CTPS1: variants seen among roughly 807,000 people sequenced by gnomAD.
The protein encoded by CTPS1 is CTP synthetase 1.
A neutral mutation model predicts 80.5 loss-of-function variants in CTPS1; 25 were observed. The ratio of observed to expected loss-of-function variants is 0.31; its 90% CI spans 0.23 to 0.43. CTPS1 has a LOEUF of 0.43. Among genes scored for constraint, CTPS1 ranks in the 20% least tolerant of loss-of-function variants. The pLI, the probability that CTPS1 is intolerant of heterozygous loss-of-function variation, is 1.00. For synonymous variants in CTPS1, 267 were observed against 252.5 expected, an observed-to-expected ratio of 1.06 and a Z score of -0.54; for missense variants, 442 against 725.7, an observed-to-expected ratio of 0.61 and a Z score of 4.49.
At chr1:40,991,946 T>A in intron 7 of CTPS1, 101 bp downstream of exon 7, 1 of 884,104 alleles carries the variant, frequency 1.1e-6, no homozygotes, top group Non-Finnish European at 1.8e-6. Flanking sequence ...TAATTAGAGA[T>A]AGTGGGCTGT....
chr1:40,991,284 TTTATG>T (rs568218457), intron 6 of CTPS1, 36 bp downstream of exon 6: 25 of 1,478,134 alleles, frequency 1.7e-5, no homozygotes, highest in Non-Finnish European at 2.3e-5. Flanking sequence ...AGTGTAATCT[TTTATG>T]TCTAGTTAAG....
At chr1:40,999,213 C>T (rs758656890) in intron 9 of CTPS1, among the ~76,000 whole-genome samples, 4 of 152,176 alleles carry the variant, frequency 2.6e-5, no homozygotes, top group East Asian at 1.9e-4. Context: ...AGATAGAGCA[C>T]GTCCAAGGGC....
At chr1:41,000,212 C>G (rs1255713608) in intron 9 of CTPS1, among the ~76,000 whole-genome samples, 2 of 135,860 alleles carry the variant, frequency 1.5e-5, no homozygotes, top group Non-Finnish European at 3.1e-5. Context: ...AAGATGGTAA[C>G]TTATGTTTTG....
In CTPS1 at chr1:41,007,138, G is replaced by T. The variant is rs543023832; in HGVS notation, c.1297-311G>T. Among the ~76,000 whole-genome samples the T allele has an allele frequency of 9.2e-5, 14 of 152,316 alleles. No individual in the cohort carries two copies. Among genetic ancestry groups the T allele is most frequent in the African/African-American group, 3.1e-4 (13 of 41,566 alleles). ...GTTATGACACATCCAGTCCGTGTCT[G>T]TGCTACTGTATCAGTCTTTCTAAGG... On this transcript the variant is annotated intron_variant, in intron 13 of 18. Coordinates refer to ENST00000650070, the MANE Select transcript of CTPS1 (RefSeq NM_001905.4). The surrounding 1 kb of genome is among the most constrained non-coding windows in gnomAD (Gnocchi z 4.4).
Position 40,983,416 on chromosome 1 carries a change from C to T in CTPS1, c.126C>T (p.Tyr42=). 1 of 1,613,816 alleles carries T rather than the reference C, an allele frequency of 6.2e-7. No individual in the cohort carries two copies. Among genetic ancestry groups the T allele is most frequent in the African/African-American group, 1.3e-5 (1 of 75,052 alleles). The change falls in exon 2 of 19, where the codon TAC becomes TAT. Residue 42 remains tyrosine (Y), a synonymous_variant. Transcript: ENST00000650070. ...TAACTTCAATCAAAATTGACCCCTA[C>T]ATTAACATTGATGCAGGAACATTCT... is the stretch of plus-strand genomic sequence containing the variant. ...LHVTSIKIDP[Y]INIDAGTFSP...
rs752213796 is a variant in CTPS1 at position 41,010,200 on chromosome 1, C to T, written c.1731C>T (p.Asp577=). The T allele has an allele frequency of 1.4e-5, 22 of 1,614,074 alleles. No individual in the cohort carries two copies. The highest frequency in any genetic ancestry group is 1.1e-4 in the South Asian group (10 of 91,080). ...ACAGGAGTGGAAGCAGCTCCCCTGA[C>T]TCTGAAATCACCGAACTGAAGTTTC... ...YSDRSGSSSP[D]SEITELKFPS... Residue 577 remains aspartate, a synonymous_variant, in exon 18 of 19, where the codon GAC becomes GAT. Coordinates refer to ENST00000650070, the MANE Select transcript of CTPS1 (RefSeq NM_001905.4).
In CTPS1 at chr1:40,997,538, G is replaced by T. The variant is rs1344933911; in HGVS notation, c.1005+12G>T. On this transcript the variant is annotated intron_variant, in intron 9 of 18. Transcript: ENST00000650070. The stretch of plus-strand genomic sequence containing the variant: ...AATTGGAAATCAAGGTAAGGAGGGT[G>T]GCACAGGTACAGCCAAAGGATGAGC... 6.2e-7 allele frequency: 1 copy of T among 1,613,320 alleles called. No individual in the cohort carries two copies. The highest frequency in any genetic ancestry group is 1.7e-5 in the Admixed American group (1 of 59,886).
intron 1 of CTPS1, 89 bp from the exon 2 acceptor site, chr1:40,983,189 C>A: frequency 9.1e-7 from 1 of 1,094,146 alleles, no homozygotes; most frequent in Non-Finnish European, 1.3e-6. Context: ...GGGTTCATAG[C>A]TAATAATTGG....
At chr1:41,005,294 G>A (rs1241413214) in intron 12 of CTPS1, among the ~76,000 whole-genome samples, 6 of 151,334 alleles carry the variant, frequency 4.0e-5, no homozygotes, top group Non-Finnish European at 5.9e-5. Context: ...AAAATACAAA[G>A]TTAGCTGGGC....
intron 3 of CTPS1, among the ~76,000 whole-genome samples, chr1:40,985,617 A>G (rs1202238267): frequency 6.6e-6 from 1 of 152,088 alleles, no homozygotes; most frequent in Non-Finnish European, 1.5e-5. Flanking sequence ...CAGTGGCCCA[A>G]ATTTGGAGAG....
At chr1:40,984,133 A>G (rs2148386818) in intron 2 of CTPS1, among the ~76,000 whole-genome samples, 1 of 152,350 alleles carries the variant, frequency 6.6e-6, no homozygotes, top group African/African-American at 2.4e-5. Context: ...TCAGGAAAAG[A>G]TCCATATACC....
At chr1:40,994,632 A>G (rs745342270) in intron 7 of CTPS1, among the ~76,000 whole-genome samples, 12 of 152,122 alleles carry the variant, frequency 7.9e-5, no homozygotes, top group Non-Finnish European at 1.5e-4. Context: ...TATTGTATGC[A>G]TTATTCAGTG....
chr1:41,001,391 G>A (rs1356657455), intron 10 of CTPS1: 7 of 323,674 alleles, frequency 2.2e-5, no homozygotes. Flanking sequence ...CATTTGATGA[G>A]TACCCATCAG....
intron 16 of CTPS1, 98 bp from the exon 17 acceptor site, chr1:41,009,347 T>C (rs931621076): frequency 5.1e-5 from 62 of 1,223,744 alleles, no homozygotes; most frequent in Non-Finnish European, 6.7e-5. Flanking sequence ...CAAATTATTT[T>C]AGGGCCTATG....
intron 18 of CTPS1, 99 bp from the exon 19 acceptor site, chr1:41,011,559 A>G (rs1344277150): frequency 2.6e-5 from 4 of 152,188 alleles, no homozygotes; most frequent in Non-Finnish European, 5.9e-5. Flanking sequence ...TCTGCCATGA[A>G]AAACAGGCTT....
At position 41,012,251 on chromosome 1, in the gene CTPS1, G is replaced by A. The variant is rs989769590; in HGVS notation, c.*603G>A. 2 of 152,132 alleles carry A rather than the reference G, an allele frequency of 1.3e-5. No homozygotes were observed. Among genetic ancestry groups the A allele is most frequent in the African/African-American group, 2.4e-5 (1 of 41,414 alleles). 9.4% of individuals were successfully genotyped at this position (152,132 alleles called of 1,614,324 possible). A position where few individuals can be genotyped will look rare whatever the true frequency, so the allele number is the denominator to read the frequency against. On this transcript the variant is annotated 3_prime_UTR_variant, in exon 19 of 19. Transcript: ENST00000650070. ...ACACCAAGATGTCTGTCTCTGAAGC[G>A]TGATTTTAAAATCCCCATGCCTGTG... is the stretch of plus-strand genomic sequence containing the variant.
At chr1:40,990,744 A>G (rs1642584962) in intron 5 of CTPS1, among the ~76,000 whole-genome samples, 1 of 152,274 alleles carries the variant, frequency 6.6e-6, no homozygotes, top group South Asian at 2.1e-4. Flanking sequence ...AAAGTGTGGC[A>G]CATGGTTTGG....
rs201337222 is a variant in CTPS1, at chr1:41,009,609, C to T, written c.1691+20C>T. 20 of 1,613,770 alleles carry T rather than the reference C, an allele frequency of 1.2e-5. No individual in the cohort carries two copies. The highest frequency in any genetic ancestry group is 1.7e-5 in the Non-Finnish European group (20 of 1,179,966). On this transcript the variant is annotated intron_variant, in intron 17 of 18. Transcript: ENST00000650070. ...ACCCAGGTAGGCGCACTCTTTGCTT[C>T]AGTAATCCATTAGTCTTCTCTAGTC...
At chr1:40,987,598 G>T (rs1453597358) in intron 4 of CTPS1, 126 bp downstream of exon 4, 2 of 591,706 alleles carry the variant, frequency 3.4e-6, no homozygotes, top group Non-Finnish European at 5.9e-6. Flanking sequence ...GTTGCAATGT[G>T]GCAGGTAAGG....
Sources: allele counts gnomAD v4.1 joint callset (sites outside exome capture counted in the v4.1 genomes callset), GRCh38; gene constraint gnomAD v4.1.1; non-coding constraint Gnocchi (gnomAD v3.1); transcripts MANE v1.5; gene names NCBI Gene and HGNC (gene_info 2026-07-23, HGNC 2026-07-21).